GALNT13: variants seen among roughly 807,000 people sequenced by gnomAD.
GALNT13 encodes polypeptide N-acetylgalactosaminyltransferase 13, also known as UDP-GalNAc:polypeptide N-acetylgalactosaminyltransferase 13.
GALNT13 carries 28 observed loss-of-function variants against 64.2 expected under a neutral mutation model. That is an observed-to-expected ratio of 0.44 (90% CI 0.32 to 0.60). GALNT13 has a LOEUF of 0.60. GALNT13 is among the 20% of genes least tolerant of loss of function. GALNT13 has a pLI of 0.05. For missense variants in GALNT13, 577 were observed against 669.8 expected (o/e 0.86, Z 1.53); for synonymous variants, 214 against 224.6 (o/e 0.95, Z 0.42).
chr2:154,447,232 C>T (rs1463488201), intron 12 of GALNT13, among the ~76,000 whole-genome samples: 3 of 151,782 alleles, frequency 2.0e-5, no homozygotes, highest in African/African-American at 4.8e-5. Flanking sequence ...TATGGCATAT[C>T]CTTTCTAAAG....
the GALNT13 span, among the ~76,000 whole-genome samples, chr2:153,638,676 C>T: frequency 6.6e-6 from 1 of 152,020 alleles, no homozygotes; most frequent in Non-Finnish European, 1.5e-5. Flanking sequence ...CAACCCTAAT[C>T]CTGACCTTAA....
intron 9 of GALNT13, among the ~76,000 whole-genome samples, chr2:154,343,891 G>T (rs1695914117): frequency 6.6e-6 from 1 of 151,980 alleles, no homozygotes; most frequent in African/African-American, 2.4e-5. Flanking sequence ...GTGACTAATT[G>T]AACCCCTAAG....
At chr2:154,043,414 T>TTTTATATATATA (rs1558926847) in intron 3 of GALNT13, among the ~76,000 whole-genome samples, 1 of 78,258 alleles carries the variant, frequency 1.3e-5, no homozygotes, top group Non-Finnish European at 2.3e-5. Context: ...ATAAGGACTT[T>TTTTATATATATA]TATATATATA....
chr2:153,242,836 A>T, the GALNT13 span, among the ~76,000 whole-genome samples: 1 of 152,212 alleles, frequency 6.6e-6, no homozygotes, highest in African/African-American at 2.4e-5. Context: ...GGCACCACAG[A>T]CCCCATTCTG....
the GALNT13 span, among the ~76,000 whole-genome samples, chr2:153,466,951 G>A: frequency 2.0e-5 from 3 of 151,816 alleles, no homozygotes; most frequent in Non-Finnish European, 4.4e-5. Flanking sequence ...CTCAGAATAG[G>A]GGAAATTTAT....
chr2:153,972,081 G>A (rs957460629), intron 3 of GALNT13, among the ~76,000 whole-genome samples: 2 of 152,030 alleles, frequency 1.3e-5, no homozygotes, highest in African/African-American at 2.4e-5. Flanking sequence ...GAAGATGAAC[G>A]AGACAAGGAA....
chr2:154,172,402 T>C (rs949982826), intron 4 of GALNT13, among the ~76,000 whole-genome samples: 1 of 152,114 alleles, frequency 6.6e-6, no homozygotes, highest in Non-Finnish European at 1.5e-5. Context: ...CCTTCTATCA[T>C]ACTGCTTTTT....
chr2:153,697,368 A>G, the GALNT13 span, among the ~76,000 whole-genome samples: 1 of 152,182 alleles, frequency 6.6e-6, no homozygotes, highest in Non-Finnish European at 1.5e-5. Flanking sequence ...CCACAGCCAG[A>G]TAAGAGAGAG....
the GALNT13 span, among the ~76,000 whole-genome samples, chr2:153,195,143 G>A: frequency 6.6e-6 from 1 of 152,128 alleles, no homozygotes; most frequent in Non-Finnish European, 1.5e-5. Context: ...GTGAGTTCTT[G>A]GGTCTCTGAG....
chr2:153,345,211 G>T, the GALNT13 span, among the ~76,000 whole-genome samples: 1 of 152,138 alleles, frequency 6.6e-6, no homozygotes, highest in South Asian at 2.1e-4. Flanking sequence ...TTGAGATTAT[G>T]AAATAGTTGA....
At chr2:153,271,833 A>G in the GALNT13 span, among the ~76,000 whole-genome samples, 1 of 152,210 alleles carries the variant, frequency 6.6e-6, no homozygotes, top group Non-Finnish European at 1.5e-5. Flanking sequence ...AAAAGAACAA[A>G]GCTGGAGGCA....
chr2:153,971,576 G>C (rs1044870531), intron 3 of GALNT13, among the ~76,000 whole-genome samples: 1 of 152,070 alleles, frequency 6.6e-6, no homozygotes, highest in Non-Finnish European at 1.5e-5. Flanking sequence ...CTTATTTCAA[G>C]AATTTAACTA....
intron 3 of GALNT13, among the ~76,000 whole-genome samples, chr2:153,986,909 G>A (rs556606287): frequency 6.6e-6 from 1 of 152,024 alleles, no homozygotes; most frequent in African/African-American, 2.4e-5. Flanking sequence ...TAGAGGAAGG[G>A]AATGAGAAGA....
the GALNT13 span, among the ~76,000 whole-genome samples, chr2:153,179,281 A>G: frequency 5.9e-5 from 9 of 152,170 alleles, no homozygotes; most frequent in Admixed American, 3.3e-4. Context: ...AACACTATTT[A>G]TTTAAGGGAC....
At chr2:154,265,989 A>G (rs1292889626) in intron 8 of GALNT13, among the ~76,000 whole-genome samples, 3 of 152,220 alleles carry the variant, frequency 2.0e-5, no homozygotes, top group Non-Finnish European at 2.9e-5. Context: ...AATTCACCGT[A>G]TCAAGAAACT....
At chr2:153,565,314 G>C in the GALNT13 span, among the ~76,000 whole-genome samples, 1 of 152,152 alleles carries the variant, frequency 6.6e-6, no homozygotes, top group African/African-American at 2.4e-5. Flanking sequence ...CTCAGTAATG[G>C]CTGGAATCTT....
chr2:153,727,447 G>A, the GALNT13 span, among the ~76,000 whole-genome samples: 1 of 152,026 alleles, frequency 6.6e-6, no homozygotes. Flanking sequence ...TTTCATGAAC[G>A]TTCAAGTGTA....
At chr2:153,719,619 C>T in the GALNT13 span, among the ~76,000 whole-genome samples, 3 of 152,246 alleles carry the variant, frequency 2.0e-5, no homozygotes, top group South Asian at 2.1e-4. Context: ...GTGCACGAGC[C>T]GAAGCAGGGC....
At chr2:153,782,873 G>A in the GALNT13 span, among the ~76,000 whole-genome samples, 1 of 152,116 alleles carries the variant, frequency 6.6e-6, no homozygotes, top group Non-Finnish European at 1.5e-5. Flanking sequence ...TAAAATATCT[G>A]CCAACAACCA....
Sources: gnomAD v4.1 joint callset for allele counts (sites outside exome capture counted in the v4.1 genomes callset) on GRCh38, gnomAD v4.1.1 for gene constraint, MANE v1.5 for transcripts, NCBI Gene and HGNC (gene_info 2026-07-23, HGNC 2026-07-21) for gene names.